PRKN: variants seen among roughly 807,000 people sequenced by gnomAD.
PRKN encodes parkin RBR E3 ubiquitin protein ligase.
PRKN carries 56 observed loss-of-function variants against 59.5 expected under a neutral mutation model. The observed-to-expected ratio is 0.94, with a 90% CI of 0.76 to 1.18. The LOEUF is 1.18. PRKN is among the 50% of genes most tolerant of loss of function. The pLI is 0.00. For synonymous variants in PRKN, 250 were observed against 222.1 expected, an observed-to-expected ratio of 1.13 and a Z score of -1.12; for missense variants, 657 against 596.4, an observed-to-expected ratio of 1.10 and a Z score of -1.06.
At chr6:162,232,492 A>G (rs1314326625) in intron 3 of PRKN, among the ~76,000 whole-genome samples, 4 of 152,144 alleles carry the variant, frequency 2.6e-5, no homozygotes, top group Admixed American at 2.6e-4. Context: ...GGGAAAATGG[A>G]CCCTTTTCCT....
chr6:162,067,882 G>C (rs956661977), intron 4 of PRKN, among the ~76,000 whole-genome samples: 9 of 152,154 alleles, frequency 5.9e-5, no homozygotes, highest in Non-Finnish European at 8.8e-5. Context: ...TTGTTGTTTT[G>C]TTCACTTTTC....
Position 162,716,157 on chromosome 6 carries a change from G to A in PRKN, c.7+11505C>T, listed in dbSNP as rs541376775. 2.6e-5 allele frequency among the ~76,000 whole-genome samples: 4 copies of A among 152,152 alleles called. No homozygotes were observed. In the East Asian group the frequency reaches 7.7e-4, roughly 29 times the overall value. ...TTTCTTTTTTCAGCAAAAAATAAAT[G>A]TTTTCTTCTTTAAAAACCAAATTCT... On this transcript the variant is annotated intron_variant, in intron 1 of 11. Coordinates refer to ENST00000366898, the MANE Select transcript of PRKN (RefSeq NM_004562.3).
In PRKN at chr6:161,471,534, A is replaced by G. The variant is rs1790789970; in HGVS notation, c.1083+77320T>C. Reference sequence around the variant, plus strand: ...ATATGGATTGGGTAATGAAGAATGTATCCTCTTAGGCACTTTCATTAACAA... The same window carrying G: ...ATATGGATTGGGTAATGAAGAATGTGTCCTCTTAGGCACTTTCATTAACAA... On this transcript the variant is annotated intron_variant, in intron 9 of 11. Coordinates refer to ENST00000366898, the MANE Select transcript of PRKN (RefSeq NM_004562.3). The surrounding 1 kb of genome is among the most constrained non-coding windows in gnomAD (Gnocchi z 4.5). Among the ~76,000 whole-genome samples, 1 of 152,214 alleles carries G rather than the reference A, an allele frequency of 6.6e-6. No homozygotes were observed.
intron 7 of PRKN, among the ~76,000 whole-genome samples, chr6:161,647,493 C>A (rs974959640): frequency 6.6e-6 from 1 of 152,170 alleles, no homozygotes; most frequent in African/African-American, 2.4e-5. Flanking sequence ...GCAGCCACCA[C>A]CACAGCTCAG....
rs1279611219 is a variant in PRKN at position 161,771,367 on chromosome 6, A to AAAAAT, written c.871+14400_871+14404dup. ...CAAGACTCCACCTCAAAAAAAAAAA[A>AAAAAT]AAAATAAAATAAAATAAAATAAAAT... On this transcript the variant is annotated intron_variant, in intron 7 of 11. Coordinates refer to ENST00000366898, the MANE Select transcript of PRKN (RefSeq NM_004562.3). Among the ~76,000 whole-genome samples the AAAAAT allele has an allele frequency of 4.0e-4, 33 of 82,764 alleles. 1 individual carries two copies. Among genetic ancestry groups the AAAAAT allele is most frequent in the African/African-American group, 9.7e-4 (23 of 23,602 alleles). The allele number at this position is 82,764 out of a possible 152,430, so 54.3% of individuals were successfully genotyped here.
At chr6:161,898,458 T>C (rs1777746079) in intron 6 of PRKN, among the ~76,000 whole-genome samples, 1 of 152,202 alleles carries the variant, frequency 6.6e-6, no homozygotes, top group Non-Finnish European at 1.5e-5. Context: ...TTCACAACAG[T>C]TCTCCAAATG....
At position 162,449,220 on chromosome 6, in the gene PRKN, C is replaced by A. The variant is rs375571985; in HGVS notation, c.8-5747G>T. ...AACTTCAGATAATTGCATCTACTAG[C>A]ATTTGATATCTACACGGATGTCCAG... On this transcript the variant is annotated intron_variant, in intron 1 of 11. Coordinates refer to ENST00000366898, the MANE Select transcript of PRKN (RefSeq NM_004562.3). 5.3e-4 allele frequency among the ~76,000 whole-genome samples: 81 copies of A among 152,184 alleles called. 3 individuals are homozygous for A. The South Asian group carries it at 0.016, about 30-fold the overall frequency.
Position 162,300,043 on chromosome 6 carries a change from T to A in PRKN, c.172-37278A>T, listed in dbSNP as rs538354833. ...TTTTTTAATAATACAGAAATTTTCA[T>A]ACAAAAATGTACTGAACACGTGTAG... On this transcript the variant is annotated intron_variant, in intron 2 of 11. Transcript: ENST00000366898. 1.4e-4 allele frequency among the ~76,000 whole-genome samples: 21 copies of A among 152,252 alleles called. No homozygotes were observed. The East Asian group carries it at 3.7e-3, about 27-fold the overall frequency.
At chr6:162,552,788 T>G (rs1258368896) in intron 1 of PRKN, among the ~76,000 whole-genome samples, 4 of 151,976 alleles carry the variant, frequency 2.6e-5, no homozygotes, top group Admixed American at 2.0e-4. Flanking sequence ...AGAGAGGACG[T>G]GGGGCCAAGC....
chr6:162,374,452 T>G (rs1450855535), intron 2 of PRKN, among the ~76,000 whole-genome samples: 1 of 151,934 alleles, frequency 6.6e-6, no homozygotes, highest in Non-Finnish European at 1.5e-5. Context: ...GACTTTAGTT[T>G]GGTTTGGTCT....
chr6:161,798,356 G>A (rs1016798783), intron 6 of PRKN, among the ~76,000 whole-genome samples: 1 of 152,208 alleles, frequency 6.6e-6, no homozygotes, highest in African/African-American at 2.4e-5. Context: ...CCCTAGGAGG[G>A]TGGTGTGAGC....
intron 6 of PRKN, among the ~76,000 whole-genome samples, chr6:161,830,315 G>T (rs1012718922): frequency 6.6e-6 from 1 of 151,070 alleles, no homozygotes; most frequent in Non-Finnish European, 1.5e-5. Flanking sequence ...GCGGTGGCGC[G>T]ATCTTGGCTC....
At chr6:161,727,765 G>C (rs1345351585) in intron 7 of PRKN, among the ~76,000 whole-genome samples, 1 of 152,160 alleles carries the variant, frequency 6.6e-6, no homozygotes, top group Non-Finnish European at 1.5e-5. Flanking sequence ...TGTCAATAAA[G>C]GAGGCCAGTA....
At chr6:161,782,830 G>T (rs548890640) in intron 7 of PRKN, among the ~76,000 whole-genome samples, 6 of 152,018 alleles carry the variant, frequency 3.9e-5, no homozygotes, top group South Asian at 2.1e-4. Context: ...GGAGGCCAAG[G>T]TTGCAGTGAG....
intron 7 of PRKN, among the ~76,000 whole-genome samples, chr6:161,694,864 G>A (rs999238085): frequency 2.0e-5 from 3 of 152,192 alleles, no homozygotes; most frequent in Non-Finnish European, 4.4e-5. Context: ...TGAAGTGGGG[G>A]CTCCCAGTAC....
At chr6:161,599,624 T>C (rs185466327) in intron 7 of PRKN, among the ~76,000 whole-genome samples, 2 of 152,310 alleles carry the variant, frequency 1.3e-5, no homozygotes, top group Admixed American at 6.5e-5. Context: ...CTTCCCTTTA[T>C]ACCAGGTAAA....
At chr6:162,279,371 GAGA>G (rs956162622) in intron 2 of PRKN, among the ~76,000 whole-genome samples, 1 of 148,654 alleles carries the variant, frequency 6.7e-6, no homozygotes, top group African/African-American at 2.5e-5. Context: ...GAGAGAGAGA[GAGA>G]AGGAGAGAGA....
intron 6 of PRKN, among the ~76,000 whole-genome samples, chr6:161,942,981 T>C (rs1351937139): frequency 6.6e-6 from 1 of 152,186 alleles, no homozygotes; most frequent in African/African-American, 2.4e-5. Context: ...AAGAAAGAAA[T>C]CTTTATTCTT....
At position 161,832,824 on chromosome 6, in the gene PRKN, C is replaced by A. The variant is rs572685603; in HGVS notation, c.735-46916G>T. On this transcript the variant is annotated intron_variant, in intron 6 of 11. Transcript: ENST00000366898. Reference sequence around the variant, plus strand: ...GCTTTGTGGCGGCGCCTGTGCCCTGCAGGGTCTCCAGCAGCATCCCCGCTC... The same window carrying A: ...GCTTTGTGGCGGCGCCTGTGCCCTGAAGGGTCTCCAGCAGCATCCCCGCTC... Among the ~76,000 whole-genome samples the A allele has an allele frequency of 9.2e-5, 14 of 152,036 alleles. No individual in the cohort carries two copies. The South Asian group carries it at 1.7e-3, about 18-fold the overall frequency.
Sources: allele counts gnomAD v4.1 joint callset (sites outside exome capture counted in the v4.1 genomes callset), GRCh38; gene constraint gnomAD v4.1.1; non-coding constraint Gnocchi (gnomAD v3.1); transcripts MANE v1.5; gene names NCBI Gene and HGNC (gene_info 2026-07-23, HGNC 2026-07-21).